NUP214: variants seen among roughly 807,000 people sequenced by gnomAD.
NUP214 encodes the protein nuclear pore complex protein Nup214.
A neutral mutation model predicts 196.2 loss-of-function variants in NUP214; 79 were observed. That is an observed-to-expected ratio of 0.40 (90% CI 0.34 to 0.49). The LOEUF (loss-of-function observed/expected upper bound fraction) is 0.49, where lower values mean the gene tolerates loss of function less well. Ranked by LOEUF, NUP214 falls within the 20% of genes least tolerant of loss-of-function variation. The pLI, the probability that NUP214 is intolerant of heterozygous loss-of-function variation, is 0.58. For missense variants in NUP214, 2,468 were observed against 2,539.0 expected, an observed-to-expected ratio of 0.97 and a Z score of 0.60; for synonymous variants, 1,020 against 990.5, an observed-to-expected ratio of 1.03 and a Z score of -0.56.
intron 29 of NUP214, 40 bp from the exon 30 acceptor site, chr9:131,201,607 C>A: frequency 6.7e-7 from 1 of 1,484,010 alleles, no homozygotes. Flanking sequence ...AAAGACTCAT[C>A]CAATCCAAAT....
chr9:131,189,595 T>G (rs1428387844), intron 26 of NUP214, among the ~76,000 whole-genome samples: 1 of 152,226 alleles, frequency 6.6e-6, no homozygotes, highest in Non-Finnish European at 1.5e-5. Context: ...AACAGATTTG[T>G]AAGATCTCAG....
chr9:131,131,374 A>T (rs115353328), intron 5 of NUP214, among the ~76,000 whole-genome samples: 3,140 of 152,310 alleles, frequency 0.021, 103 homozygotes, highest in African/African-American at 0.072. Context: ...GTTCACAAAT[A>T]TCCTTCAATA....
chr9:131,126,676 T>C (rs973742085), intron 1 of NUP214, among the ~76,000 whole-genome samples: 1 of 151,860 alleles, frequency 6.6e-6, no homozygotes, highest in African/African-American at 2.4e-5. Flanking sequence ...ACCTCCCTAG[T>C]AGCTGGTATT....
rs769053524 is a variant in NUP214, at chr9:131,232,875, T to C, written c.6239+567T>C. 3.8e-5 allele frequency: 6 copies of C among 159,514 alleles called. No individual in the cohort carries two copies. The highest frequency in any genetic ancestry group is 6.9e-5 in the Non-Finnish European group (5 of 72,668). 9.9% of individuals were successfully genotyped at this position (159,514 alleles called of 1,614,324 possible). ...AATTAAAAAAATTAGCCGTGCATGC[T>C]GGCTTATGCCTGTGGTCCCAGCTAC... On this transcript the variant is annotated intron_variant, in intron 35 of 35. Coordinates refer to ENST00000359428, the MANE Select transcript of NUP214 (RefSeq NM_005085.4). This position sits in a 1 kb window ranked among gnomAD's most constrained non-coding sequence, Gnocchi z 5.1.
intron 31 of NUP214, among the ~76,000 whole-genome samples, chr9:131,221,425 CACTT>C (rs1013971829): frequency 6.6e-6 from 1 of 152,182 alleles, no homozygotes; most frequent in African/African-American, 2.4e-5. Context: ...TGAGGCCACT[CACTT>C]CCTGGATTGT....
intron 17 of NUP214, among the ~76,000 whole-genome samples, chr9:131,156,179 C>T (rs1415944958): frequency 3.9e-5 from 5 of 127,040 alleles, no homozygotes; most frequent in African/African-American, 6.2e-5. Flanking sequence ...GTCACCCAGG[C>T]TGGAGTACAG....
At chr9:131,130,658 T>C in intron 4 of NUP214, 108 bp from the exon 5 acceptor site, 1 of 1,023,338 alleles carries the variant, frequency 9.8e-7, no homozygotes, top group South Asian at 1.4e-5. Context: ...TCCTACAATC[T>C]TCCATGGACT....
intron 3 of NUP214, 69 bp downstream of exon 3, chr9:131,128,552 C>T: frequency 3.6e-6 from 5 of 1,373,622 alleles, no homozygotes; most frequent in Middle Eastern, 1.9e-4. Flanking sequence ...TGAATTACAA[C>T]TTGGAAGCTT....
At chr9:131,212,212 T>C (rs1834265997) in intron 30 of NUP214, among the ~76,000 whole-genome samples, 1 of 152,202 alleles carries the variant, frequency 6.6e-6, no homozygotes, top group South Asian at 2.1e-4. Flanking sequence ...ACCGATTGTC[T>C]GCTCTCAAAC....
chr9:131,227,490 A>C (rs1056964773), intron 32 of NUP214, among the ~76,000 whole-genome samples: 1 of 152,120 alleles, frequency 6.6e-6, no homozygotes, highest in Non-Finnish European at 1.5e-5. Context: ...TTAAAAAAAA[A>C]AAAACAAACC....
At chr9:131,230,843 G>A in intron 34 of NUP214, 74 bp downstream of exon 34, 1 of 1,501,216 alleles carries the variant, frequency 6.7e-7, no homozygotes. Context: ...AAATGAGTAT[G>A]TTTTACCTGA....
chr9:131,131,289 A>G (rs1831538434), intron 5 of NUP214, among the ~76,000 whole-genome samples: 1 of 152,256 alleles, frequency 6.6e-6, no homozygotes, highest in Non-Finnish European at 1.5e-5. Flanking sequence ...TTGTCTAACT[A>G]TGGGCACCAA....
intron 30 of NUP214, among the ~76,000 whole-genome samples, chr9:131,208,277 A>C (rs1487718223): frequency 6.6e-6 from 1 of 152,258 alleles, no homozygotes; most frequent in East Asian, 1.9e-4. Flanking sequence ...CTTGTACATC[A>C]ATGTTCATTG....
intron 30 of NUP214, among the ~76,000 whole-genome samples, chr9:131,210,598 G>C (rs991742063): frequency 6.6e-6 from 1 of 151,756 alleles, no homozygotes; most frequent in Non-Finnish European, 1.5e-5. Flanking sequence ...CTGCACTCCA[G>C]CCTGGGAAAC....
At chr9:131,159,309 T>C (rs1374842056) in intron 17 of NUP214, 74 bp from the exon 18 acceptor site, 2 of 971,758 alleles carry the variant, frequency 2.1e-6, no homozygotes, top group Middle Eastern at 4.5e-4. Context: ...TAGAATTCTT[T>C]TGACTGTTTT....
intron 24 of NUP214, among the ~76,000 whole-genome samples, chr9:131,179,897 G>A (rs1833223622): frequency 6.6e-6 from 1 of 152,186 alleles, no homozygotes; most frequent in Non-Finnish European, 1.5e-5. Flanking sequence ...ATTAGAGTTT[G>A]GGAATTGTAG....
intron 22 of NUP214, 101 bp downstream of exon 22, chr9:131,174,419 T>G (rs1833045245): frequency 1.8e-6 from 2 of 1,083,132 alleles, no homozygotes; most frequent in Non-Finnish European, 2.6e-6. Flanking sequence ...ATATGGTGGT[T>G]GGCTCCAGCC....
chr9:131,159,044 T>TTATAA (rs1376583884), intron 17 of NUP214: 1 of 182,462 alleles, frequency 5.5e-6, no homozygotes, highest in East Asian at 1.5e-4. Flanking sequence ...ATTTTGTTTT[T>TTATAA]CATTTTAATT....
chr9:131,161,264 T>C (rs1201652382), intron 18 of NUP214, among the ~76,000 whole-genome samples: 1 of 151,716 alleles, frequency 6.6e-6, no homozygotes, highest in Non-Finnish European at 1.5e-5. Context: ...AATGCCTTTT[T>C]TTTTTTTTTT....
Sources: gnomAD v4.1 joint callset for allele counts (sites outside exome capture counted in the v4.1 genomes callset) on GRCh38, gnomAD v4.1.1 for gene constraint, Gnocchi (gnomAD v3.1) non-coding constraint, MANE v1.5 for transcripts, NCBI Gene and HGNC (gene_info 2026-07-23, HGNC 2026-07-21) for gene names.